Variants in NUP188 observed in about 807,000 individuals in gnomAD.
The protein encoded by NUP188 is nucleoporin NUP188.
NUP188 carries 97 observed loss-of-function variants against 223.0 expected under a neutral mutation model. The ratio of observed to expected loss-of-function variants is 0.43; its 90% CI spans 0.37 to 0.51. The LOEUF (loss-of-function observed/expected upper bound fraction) is 0.51, where lower values mean the gene tolerates loss of function less well. NUP188 is among the 20% of genes least tolerant of loss of function. The pLI, the probability that NUP188 is intolerant of heterozygous loss-of-function variation, is 0.00. For synonymous variants in NUP188, 869 were observed against 828.0 expected (o/e 1.05, Z -0.85); for missense variants, 1,947 against 2,175.6 (o/e 0.89, Z 2.09).
Position 128,983,016 on chromosome 9 carries a change from T to C in NUP188, c.1784T>C (p.Met595Thr). The C allele has an allele frequency of 6.2e-7, 1 of 1,614,132 alleles. No homozygotes were observed. Among genetic ancestry groups the C allele is most frequent in the Non-Finnish European group, 8.5e-7 (1 of 1,180,022 alleles). ...CLLPITSRIY[M>T]LLQRLTTVIS... is the part of the protein sequence containing the mutation. ...CTGCCCATCACATCTCGCATCTACA[T>C]GCTGCTGCAGCGGTGAGTCTGTCTT... Residue 595 changes from methionine to threonine, a missense_variant, in exon 17 of 44, where the codon ATG becomes ACG. Physicochemically the swap from Met to Thr is moderately conservative, Grantham distance 81. Around this residue, in one of 3 missense-constraint regions of NUP188, gnomAD observed 817 missense variants for 865.8 expected, o/e 0.94. Transcript: ENST00000372577.
At chr9:128,977,413 CCG>C (rs1842191168) in intron 12 of NUP188, among the ~76,000 whole-genome samples, 4 of 152,020 alleles carry the variant, frequency 2.6e-5, no homozygotes, top group Admixed American at 6.6e-5. Flanking sequence ...GCCACCGTGC[CCG>C]ACCAGGTACT....
chr9:128,978,773 G>T (rs994738598), intron 12 of NUP188, among the ~76,000 whole-genome samples: 17 of 152,132 alleles, frequency 1.1e-4, no homozygotes, highest in Middle Eastern at 6.8e-3. Context: ...ACAGTGGCAT[G>T]ATCTCGGCTC....
Position 128,959,042 on chromosome 9 carries a change from T to C in NUP188, c.493T>C (p.Leu165=), listed in dbSNP as rs1421477469. The part of the protein sequence containing the change: ...RVEYADCVDK[L]EKELVSKYRQ... ...TGAATATGCAGACTGTGTTGATAAATTGGAGAAGGAACTAGTTTCAAAATA... is the reference window on the plus strand; with the variant it reads ...TGAATATGCAGACTGTGTTGATAAACTGGAGAAGGAACTAGTTTCAAAATA... Residue 165 remains leucine, a synonymous_variant, in exon 8 of 44, where the codon TTG becomes CTG. Coordinates refer to ENST00000372577, the MANE Select transcript of NUP188 (RefSeq NM_015354.3). The C allele has an allele frequency of 1.3e-6, 2 of 1,593,516 alleles. No homozygotes were observed. The highest frequency in any genetic ancestry group is 1.7e-6 in the Non-Finnish European group (2 of 1,166,820).
intron 22 of NUP188, 80 bp downstream of exon 22, chr9:128,986,955 C>T (rs1842341955): frequency 7.8e-7 from 1 of 1,289,194 alleles, no homozygotes; most frequent in Non-Finnish European, 1.1e-6. Context: ...CGTCTCAGTT[C>T]TTCCAGAGAA....
At chr9:128,961,051 C>T (rs932496602) in intron 8 of NUP188, among the ~76,000 whole-genome samples, 1 of 147,342 alleles carries the variant, frequency 6.8e-6, no homozygotes, top group Non-Finnish European at 1.5e-5. Flanking sequence ...CGCCACTGTA[C>T]TCCAGCCTGG....
At chr9:128,983,677 A>ATGAG (rs1842288862) in intron 19 of NUP188, 127 bp downstream of exon 19, 1 of 705,334 alleles carries the variant, frequency 1.4e-6, no homozygotes, top group African/African-American at 1.8e-5. Context: ...ATGGAGTCTC[A>ATGAG]CTCTGTTGCC....
At position 128,968,735 on chromosome 9, in the gene NUP188, ACAT is replaced by A; in HGVS notation, c.797+22_797+24del. On this transcript the variant is annotated intron_variant, in intron 9 of 43. Coordinates refer to ENST00000372577, the MANE Select transcript of NUP188 (RefSeq NM_015354.3). ...CGGATTGGGTAAGTCAGTGAATTGA[ACAT>A]CATGGAACTTGCAGTGTTTAGAGCA... The A allele has an allele frequency of 6.4e-7, 1 of 1,570,086 alleles. No individual in the cohort carries two copies.
chr9:128,968,742 G>A (rs1301155612), intron 9 of NUP188, 25 bp downstream of exon 9: 1 of 1,549,326 alleles, frequency 6.5e-7, no homozygotes, highest in Admixed American at 1.7e-5. Context: ...TGAACATCAT[G>A]GAACTTGCAG....
At chr9:129,001,832 AGGCAGGGCAG>A in intron 35 of NUP188, 42 bp from the exon 36 acceptor site, 1 of 1,590,612 alleles carries the variant, frequency 6.3e-7, no homozygotes, top group Non-Finnish European at 8.6e-7. Flanking sequence ...TACCTACCCT[AGGCAGGGCAG>A]GGGCAGGCTC....
Position 128,947,740 on chromosome 9 carries a change from G to C in NUP188, c.21G>C (p.Gly7=), listed in dbSNP as rs775418438. 6.8e-7 allele frequency: 1 copy of C among 1,474,630 alleles called. No individual in the cohort carries two copies. The highest frequency in any genetic ancestry group is 9.0e-7 in the Non-Finnish European group (1 of 1,115,514). 91.3% of individuals were successfully genotyped at this position (1,474,630 alleles called of 1,614,324 possible). ...CGAAGATGGCGGCGGCCGCCGGCGGGCCGTGTGTGAGGTGCGGAGCGGGTC... is the reference window on the plus strand; with the variant it reads ...CGAAGATGGCGGCGGCCGCCGGCGGCCCGTGTGTGAGGTGCGGAGCGGGTC... The part of the protein sequence containing the change: MAAAAG[G]PCVRSSRELW... Residue 7 remains glycine (G), a synonymous_variant, in exon 1 of 44, where the codon GGG becomes GGC. Transcript: ENST00000372577.
At chr9:128,975,329 T>G (rs1348261150) in intron 12 of NUP188, among the ~76,000 whole-genome samples, 3 of 150,354 alleles carry the variant, frequency 2.0e-5, no homozygotes, top group African/African-American at 7.3e-5. Context: ...GTTCATGCCA[T>G]TCTCCTGCCT....
intron 15 of NUP188, among the ~76,000 whole-genome samples, chr9:128,982,292 T>C (rs1272236622): frequency 6.6e-6 from 1 of 151,422 alleles, no homozygotes; most frequent in Admixed American, 6.6e-5. Flanking sequence ...TAGCCAGGAG[T>C]GGTGGTGCGC....
At chr9:128,989,545 A>C (rs1018244290) in intron 24 of NUP188, among the ~76,000 whole-genome samples, 2 of 152,068 alleles carry the variant, frequency 1.3e-5, no homozygotes, top group Non-Finnish European at 2.9e-5. Flanking sequence ...CTAAAAATAC[A>C]AAAGTTAGCT....
At chr9:128,967,790 CA>C (rs753211464) in intron 8 of NUP188, among the ~76,000 whole-genome samples, 2,932 of 124,766 alleles carry the variant, frequency 0.024, 85 homozygotes, top group African/African-American at 0.073. Context: ...GACTTCGTCT[CA>C]AAAAAAAAAA....
At chr9:128,964,833 A>C (rs1256189910) in intron 8 of NUP188, among the ~76,000 whole-genome samples, 2 of 150,632 alleles carry the variant, frequency 1.3e-5, no homozygotes, top group Non-Finnish European at 2.9e-5. Flanking sequence ...CAGCCTCCCG[A>C]GTAGCTGGGA....
chr9:128,988,007 T>C (rs981541425), intron 23 of NUP188, 40 bp from the exon 24 acceptor site: 1 of 1,608,602 alleles, frequency 6.2e-7, no homozygotes, highest in African/African-American at 1.3e-5. Flanking sequence ...AATGAAGTCA[T>C]ACTGTCTGAA....
chr9:128,985,983 G>A (rs1173043325), intron 20 of NUP188, among the ~76,000 whole-genome samples: 4 of 152,080 alleles, frequency 2.6e-5, no homozygotes, highest in Admixed American at 2.0e-4. Flanking sequence ...AGGTTGCAGC[G>A]AGTCGAGATC....
At chr9:129,001,854 A>G (rs1406569636) in intron 35 of NUP188, 30 bp from the exon 36 acceptor site, 1 of 1,605,274 alleles carries the variant, frequency 6.2e-7, no homozygotes, top group Admixed American at 1.7e-5. Context: ...GGCAGGCTCC[A>G]TCTCATTTCC....
At position 128,981,154 on chromosome 9, in the gene NUP188, CAGT is replaced by C. The variant is rs1842248180; in HGVS notation, c.1390-109_1390-107del. 54 of 1,311,798 alleles carry C rather than the reference CAGT, an allele frequency of 4.1e-5. No individual in the cohort carries two copies. The South Asian group carries it at 7.4e-4, about 18-fold the overall frequency. The allele number at this position is 1,311,798 out of a possible 1,614,324, so 81.3% of individuals were successfully genotyped here. On this transcript the variant is annotated intron_variant, in intron 14 of 43. Coordinates refer to ENST00000372577, the MANE Select transcript of NUP188 (RefSeq NM_015354.3). Reference sequence around the variant, plus strand: ...CAGAAGGCAGTTCCAAGAACAGTCACAGTGGTGGGCTTGCAAGAAGTTTGAGAG... The same window carrying C: ...CAGAAGGCAGTTCCAAGAACAGTCACGGTGGGCTTGCAAGAAGTTTGAGAG...
Sources: gnomAD v4.1 joint callset for allele counts (sites outside exome capture counted in the v4.1 genomes callset) on GRCh38, gnomAD v4.1.1 for gene constraint, gnomAD v4.1.1 regional missense constraint, MANE v1.5 for transcripts, NCBI Gene and HGNC (gene_info 2026-07-23, HGNC 2026-07-21) for gene names.